TBL1X: variants seen among roughly 807,000 people sequenced by gnomAD.
TBL1X encodes transducin beta like 1 X-linked, also known as F-box-like/WD repeat-containing protein TBL1X.
In TBL1X, 10 loss-of-function variants were observed where a neutral mutation model predicts 50.7. The observed-to-expected ratio is 0.20, with a 90% confidence interval of 0.12 to 0.33. TBL1X has a LOEUF of 0.33. TBL1X is among the 10% of genes least tolerant of loss of function. TBL1X has a pLI of 1.00. For synonymous variants in TBL1X, 190 were observed against 214.7 expected (o/e 0.88, Z 1.01); for missense variants, 340 against 504.4 (o/e 0.67, Z 3.12).
At chrX:9,606,023 G>C (rs1353861780) in intron 2 of TBL1X, among the ~76,000 whole-genome samples, 1 of 112,285 alleles carries the variant, frequency 8.9e-6, no homozygotes, top group African/African-American at 3.2e-5. Flanking sequence ...ATGAATCCAG[G>C]TGCAGCATAA....
At chrX:9,608,702 G>A (rs1018202990) in intron 2 of TBL1X, among the ~76,000 whole-genome samples, 41 of 112,158 alleles carry the variant, frequency 3.7e-4, no homozygotes, top group African/African-American at 1.3e-3. Flanking sequence ...ATAATTTGGG[G>A]GTACTCCTAG....
chrX:9,535,495 C>T (rs187907613), intron 2 of TBL1X, among the ~76,000 whole-genome samples: 135 of 112,347 alleles, frequency 1.2e-3, no homozygotes, highest in African/African-American at 4.2e-3. Flanking sequence ...CATACCTGAT[C>T]GTGAAAGTCT....
chrX:9,714,605 C>T (rs1452358822), intron 16 of TBL1X, among the ~76,000 whole-genome samples: 2 of 112,026 alleles, frequency 1.8e-5, no homozygotes, highest in African/African-American at 3.2e-5. Flanking sequence ...GAGTCTGAGT[C>T]TCAGCAGGTG....
intron 2 of TBL1X, among the ~76,000 whole-genome samples, chrX:9,509,375 A>T (rs1389873431): frequency 2.8e-5 from 3 of 108,584 alleles, no homozygotes; most frequent in Non-Finnish European, 5.7e-5. Context: ...CAAAAAAAAA[A>T]AAAAAAAAAA....
chrX:9,510,713 T>A (rs1343690113), intron 2 of TBL1X, among the ~76,000 whole-genome samples: 1 of 112,546 alleles, frequency 8.9e-6, no homozygotes, highest in Non-Finnish European at 1.9e-5. Context: ...GTAAGGCAGA[T>A]GACTTCCATA....
At chrX:9,478,897 A>G (rs2081864021) in intron 1 of TBL1X, among the ~76,000 whole-genome samples, 1 of 112,709 alleles carries the variant, frequency 8.9e-6, no homozygotes, top group South Asian at 3.6e-4. Flanking sequence ...TATTGATTGC[A>G]CATAGGAAGT....
At chrX:9,484,334 A>ACACACACACC (rs1213020483) in intron 1 of TBL1X, among the ~76,000 whole-genome samples, 5 of 110,660 alleles carry the variant, frequency 4.5e-5, no homozygotes, top group African/African-American at 1.7e-4. Context: ...ACACACACAC[A>ACACACACACC]CCCATATTTG....
intron 1 of TBL1X, among the ~76,000 whole-genome samples, chrX:9,497,408 CAAAAAAAAAAAA>C (rs35402306): frequency 3.3e-5 from 1 of 30,408 alleles, no homozygotes; most frequent in East Asian, 1.3e-3. Context: ...GACTCCATCT[CAAAAAAAAAAAA>C]AAAAAAAAAA....
intron 2 of TBL1X, among the ~76,000 whole-genome samples, chrX:9,542,741 A>C: frequency 8.9e-6 from 1 of 112,021 alleles, no homozygotes; most frequent in Non-Finnish European, 1.9e-5. Context: ...AAACGTAAGC[A>C]TCCGCTGCAC....
At chrX:9,517,597 A>G (rs747137174) in intron 2 of TBL1X, among the ~76,000 whole-genome samples, 1 of 112,170 alleles carries the variant, frequency 8.9e-6, no homozygotes, top group African/African-American at 3.2e-5. Context: ...TCTGAACTGC[A>G]GATCTGCAAG....
At chrX:9,522,644 A>G (rs1368517552) in intron 2 of TBL1X, among the ~76,000 whole-genome samples, 1 of 111,388 alleles carries the variant, frequency 9.0e-6, no homozygotes, top group Non-Finnish European at 1.9e-5. Context: ...GAGGGTTGGG[A>G]CTGTGTGATT....
At chrX:9,561,024 G>T (rs998952822) in intron 2 of TBL1X, among the ~76,000 whole-genome samples, 7 of 111,570 alleles carry the variant, frequency 6.3e-5, no homozygotes, top group Non-Finnish European at 1.1e-4. Context: ...CTTGGAGGGG[G>T]CACAGTCACC....
intron 6 of TBL1X, among the ~76,000 whole-genome samples, chrX:9,687,107 A>T (rs773402561): frequency 8.9e-6 from 1 of 112,570 alleles, no homozygotes; most frequent in South Asian, 3.7e-4. Context: ...CCCAAGGCTT[A>T]CTGAGGTTCA....
At chrX:9,698,426 T>C (rs2083146535) in intron 12 of TBL1X, among the ~76,000 whole-genome samples, 1 of 111,693 alleles carries the variant, frequency 9.0e-6, no homozygotes, top group African/African-American at 3.3e-5. Flanking sequence ...AGGGAAACGG[T>C]GCACACGGCC....
intron 2 of TBL1X, among the ~76,000 whole-genome samples, chrX:9,529,919 G>A (rs143171547): frequency 0.013 from 1,411 of 110,999 alleles, 24 homozygotes; most frequent in African/African-American, 0.044. Flanking sequence ...CTGGACCACA[G>A]AGCAAGACCC....
At chrX:9,689,058 G>A (rs1443181232) in intron 7 of TBL1X, among the ~76,000 whole-genome samples, 7 of 113,577 alleles carry the variant, frequency 6.2e-5, no homozygotes, top group African/African-American at 9.6e-5. Context: ...ATGCGTGTGC[G>A]CACCTGTGTT....
intron 1 of TBL1X, among the ~76,000 whole-genome samples, chrX:9,488,712 C>T (rs183868739): frequency 1.8e-5 from 2 of 111,923 alleles, no homozygotes; most frequent in Non-Finnish European, 3.8e-5. Context: ...TTGTTTCTGT[C>T]TCTTAATTTG....
chrX:9,570,106 C>G (rs1041022695), intron 2 of TBL1X, among the ~76,000 whole-genome samples: 7 of 112,297 alleles, frequency 6.2e-5, no homozygotes, highest in Admixed American at 5.6e-4. Flanking sequence ...TGTAAGCCAA[C>G]AGAACAATTG....
intron 2 of TBL1X, among the ~76,000 whole-genome samples, chrX:9,503,970 G>A (rs1268730676): frequency 8.9e-6 from 1 of 111,840 alleles, no homozygotes; most frequent in Non-Finnish European, 1.9e-5. Flanking sequence ...TGCTCCCTGT[G>A]TCACCCAACT....
Sources: allele counts gnomAD v4.1 joint callset (sites outside exome capture counted in the v4.1 genomes callset), GRCh38; gene constraint gnomAD v4.1.1; transcripts MANE v1.5; gene names NCBI Gene and HGNC (gene_info 2026-07-23, HGNC 2026-07-21).